DCHS2: variants seen among roughly 807,000 people sequenced by gnomAD.
The protein encoded by DCHS2 is protocadherin-23.
A neutral mutation model predicts 182.4 loss-of-function variants in DCHS2; 142 were observed. That is an observed-to-expected ratio of 0.78 (90% confidence interval 0.68 to 0.89). DCHS2 has a LOEUF of 0.89. DCHS2 is among the 40% of genes least tolerant of loss of function. The probability of loss-of-function intolerance (pLI) is 0.00; values close to 1 mark genes in which losing one functional copy is unlikely to be tolerated. For missense variants in DCHS2, 4,319 were observed against 4,198.6 expected (o/e 1.03, Z -0.79); for synonymous variants, 1,740 against 1,663.3 (o/e 1.05, Z -1.12).
intron 10 of DCHS2, among the ~76,000 whole-genome samples, 171 bp from the exon 11 acceptor site, chr4:154,305,402 A>T (rs2111301309): frequency 6.6e-6 from 1 of 152,364 alleles, no homozygotes; most frequent in Non-Finnish European, 1.5e-5. Flanking sequence ...TCTTGCTAAA[A>T]TAAAAGCCTC....
chr4:154,287,326 T>A (rs1734448544), intron 13 of DCHS2, among the ~76,000 whole-genome samples: 1 of 152,178 alleles, frequency 6.6e-6, no homozygotes, highest in Non-Finnish European at 1.5e-5. Context: ...ACTGTAACTG[T>A]GGTGTGTAAA....
chr4:154,284,164 T>C (rs1734282708), intron 13 of DCHS2, among the ~76,000 whole-genome samples: 1 of 152,032 alleles, frequency 6.6e-6, no homozygotes, highest in East Asian at 1.9e-4. Context: ...AATTCAATGA[T>C]TGTTGCAGCA....
At position 154,428,967 on chromosome 4, in the gene DCHS2, A is replaced by C. The variant is rs190482021; in HGVS notation, c.2053-51523T>G. Among the ~76,000 whole-genome samples the C allele has an allele frequency of 1.2e-4, 8 of 66,134 alleles. 1 individual carries two copies. The highest frequency in any genetic ancestry group is 2.8e-4 in the African/African-American group (8 of 28,878). 43.4% of individuals were successfully genotyped at this position (66,134 alleles called of 152,430 possible). A position where few individuals can be genotyped will look rare whatever the true frequency, so the allele number is the denominator to read the frequency against. On this transcript the variant is annotated intron_variant, in intron 1 of 19. Transcript: ENST00000357232. ...AAGCTACTGATAGAGAATCAAAAGA[A>C]GGGGTAAGTTTAAAAAAAAAAGGAG...
intron 14 of DCHS2, among the ~76,000 whole-genome samples, chr4:154,260,422 C>A (rs954000562): frequency 3.3e-5 from 5 of 152,200 alleles, no homozygotes; most frequent in Non-Finnish European, 2.9e-5. Context: ...GCCACCAGCA[C>A]TTCCCACCTT....
At position 154,333,246 on chromosome 4, in the gene DCHS2, T is replaced by G. The variant is rs966529960; in HGVS notation, c.2962A>C (p.Ile988Leu). The G allele has an allele frequency of 4.7e-5, 76 of 1,614,082 alleles. No individual in the cohort carries two copies. Among genetic ancestry groups the G allele is most frequent in the Non-Finnish European group, 5.9e-5 (70 of 1,180,044 alleles). Residue 988 changes from isoleucine to leucine, a missense_variant, in exon 5 of 20, where the codon ATA (isoleucine) becomes CTA (leucine). Ile to Leu is a conservative substitution (Grantham distance 5). Transcript: ENST00000357232. ...AFLRTSDEIR[I>L]SQTTPPGTAL... ...GTGCCAGGGGGCGTGGTCTGGGATATTCTAATCTCATCCGAGGTCCTGAGG... is the reference window on the plus strand; with the variant it reads ...GTGCCAGGGGGCGTGGTCTGGGATAGTCTAATCTCATCCGAGGTCCTGAGG...
chr4:154,239,255 CAG>C lies in DCHS2; in HGVS notation c.7405_7406del (p.Leu2469ValfsTer9), dbSNP rs1305584711. ...CATTGCTTTCTAAGTCTGTGGCTGA[CAG>C]AGTCAGCACTGAATACCCCACAGGT... ...SIPVGYSVLTLSATDLESNEN... is the reference protein window; with the variant it reads ...SIPVGYSVLTXSATDLESNEN... On this transcript the variant is annotated frameshift_variant, in exon 19 of 20. Coordinates refer to ENST00000357232, the MANE Select transcript of DCHS2 (RefSeq NM_001358235.2). LOFTEE classifies it high-confidence loss of function. The C allele has an allele frequency of 1.2e-6, 2 of 1,613,350 alleles. No homozygotes were observed. Among genetic ancestry groups the C allele is most frequent in the Non-Finnish European group, 1.7e-6 (2 of 1,179,716 alleles).
At chr4:154,260,991 G>T (rs1218501314) in intron 14 of DCHS2, among the ~76,000 whole-genome samples, 1 of 151,984 alleles carries the variant, frequency 6.6e-6, no homozygotes, top group African/African-American at 2.4e-5. Context: ...AGATTTTACT[G>T]TTTTTTCCTC....
chr4:154,294,658 C>A (rs1734843220), intron 13 of DCHS2, among the ~76,000 whole-genome samples: 1 of 152,132 alleles, frequency 6.6e-6, no homozygotes, highest in Non-Finnish European at 1.5e-5. Context: ...AAACAAAGTA[C>A]AACAGTTCAG....
At chr4:154,308,425 G>T (rs893002031) in intron 10 of DCHS2, among the ~76,000 whole-genome samples, 1 of 152,098 alleles carries the variant, frequency 6.6e-6, no homozygotes. Context: ...TGGCCATCAC[G>T]CCATTGTCAT....
rs138327230 is a variant in DCHS2, at chr4:154,410,409, C to T, written c.2053-32965G>A. Among the ~76,000 whole-genome samples the T allele has an allele frequency of 2.2e-3, 276 of 127,710 alleles. 1 individual carries two copies. The highest frequency in any genetic ancestry group is 7.9e-3 in the African/African-American group (266 of 33,732). The allele number at this position is 127,710 out of a possible 152,430, so 83.8% of individuals were successfully genotyped here. A position where few individuals can be genotyped will look rare whatever the true frequency, so the allele number is the denominator to read the frequency against. On this transcript the variant is annotated intron_variant, in intron 1 of 19. Transcript: ENST00000357232. The stretch of plus-strand genomic sequence containing the variant: ...AATAGAGAATTTCAACAGTAGACTA[C>T]ATCAAGAAGAAAAAAGAATCTCTAA...
At chr4:154,288,263 G>A (rs1456529785) in intron 13 of DCHS2, among the ~76,000 whole-genome samples, 2 of 151,908 alleles carry the variant, frequency 1.3e-5, no homozygotes, top group African/African-American at 4.8e-5. Context: ...ACAAAAAAGA[G>A]AAAAAGTAGC....
At chr4:154,463,147 ATATATATAAGTGTGTG>A (rs1735086451) in intron 1 of DCHS2, among the ~76,000 whole-genome samples, 2 of 108,966 alleles carry the variant, frequency 1.8e-5, no homozygotes, top group African/African-American at 6.0e-5. Flanking sequence ...ACTTATGTGT[ATATATATAAGTGTGTG>A]TATATATATA....
Position 154,259,582 on chromosome 4 carries a change from A to G in DCHS2, c.6752T>C (p.Val2251Ala), listed in dbSNP as rs758107445. The change falls in exon 15 of 20, where the codon GTG (valine) becomes GCG (alanine). Residue 2251 changes from valine (V) to alanine (A), a missense_variant. Physicochemically the swap from Val to Ala is moderately conservative, Grantham distance 64. Transcript: ENST00000357232. ...AGCATTGTAGAGTTGGCTTTCAGAC[A>G]CTGATGCCTGGTAAATGCTTTGTTC... ...CFEQSIYQAS[V>A]SESQLYNAHV... 5 of 1,613,960 alleles carry G rather than the reference A, an allele frequency of 3.1e-6. No homozygotes were observed. The South Asian group carries it at 5.5e-5, about 18-fold the overall frequency.
chr4:154,242,881 TTTTA>T, intron 16 of DCHS2, 109 bp from the exon 17 acceptor site: 2 of 1,378,534 alleles, frequency 1.5e-6, no homozygotes, highest in Non-Finnish European at 1.9e-6. Context: ...GACTAGCTAC[TTTTA>T]TTTTTCTCTT....
rs1341863503 is a variant in DCHS2 at position 154,302,938 on chromosome 4, C to T, written c.5605+1731G>A. On this transcript the variant is annotated intron_variant, in intron 12 of 19. Transcript: ENST00000357232. ...TATATATGAAATAGATATACGTATA[C>T]ACACACACACACACACACACACACA... 2.9e-4 allele frequency among the ~76,000 whole-genome samples: 3 copies of T among 10,522 alleles called. No individual in the cohort carries two copies. The East Asian group carries it at 0.019, about 66-fold the overall frequency. 6.9% of individuals were successfully genotyped at this position (10,522 alleles called of 152,430 possible). A position where few individuals can be genotyped will look rare whatever the true frequency, so the allele number is the denominator to read the frequency against.
chr4:154,315,702 A>C (rs202007992), intron 10 of DCHS2, 46 bp downstream of exon 10: 116 of 1,584,638 alleles, frequency 7.3e-5, no homozygotes, highest in Middle Eastern at 1.7e-4. Flanking sequence ...ATAATCTTCA[A>C]TTTCTTTTAA....
In DCHS2 at chr4:154,490,122, C is replaced by G; in HGVS notation, c.1234G>C (p.Ala412Pro). Reference sequence around the variant, plus strand: ...TCTGTGAGAAAGAGCACGTGAATTGCTGGCCGGTTGTCATTCACGTCCAGC... The same window carrying G: ...TCTGTGAGAAAGAGCACGTGAATTGGTGGCCGGTTGTCATTCACGTCCAGC... The part of the protein sequence containing the change: ...AVLDVNDNRP[A>P]IHVLFLTEGG... Residue 412 changes from alanine (A) to proline (P), a missense_variant, in exon 1 of 20, where the codon GCA (alanine) becomes CCA (proline). Physicochemically the swap from Ala to Pro is conservative, Grantham distance 27. Coordinates refer to ENST00000357232, the MANE Select transcript of DCHS2 (RefSeq NM_001358235.2). 1 of 1,548,178 alleles carries G rather than the reference C, an allele frequency of 6.5e-7. No individual in the cohort carries two copies. Among genetic ancestry groups the G allele is most frequent in the Non-Finnish European group, 8.7e-7 (1 of 1,145,424 alleles).
In DCHS2 at chr4:154,298,951, C is replaced by T. The variant is rs1735088024; in HGVS notation, c.5606-243G>A. ...GATTCAATGCCTATCTTTAATCAGTCAATAATTAGAACACTTGCTTTCACT... is the reference window on the plus strand; with the variant it reads ...GATTCAATGCCTATCTTTAATCAGTTAATAATTAGAACACTTGCTTTCACT... On this transcript the variant is annotated intron_variant, in intron 12 of 19. Transcript: ENST00000357232. 1.0e-5 allele frequency: 4 copies of T among 392,118 alleles called. No homozygotes were observed. In the South Asian group the frequency reaches 4.6e-4, roughly 45 times the overall value. The allele number at this position is 392,118 out of a possible 1,614,324, so 24.3% of individuals were successfully genotyped here. A position where few individuals can be genotyped will look rare whatever the true frequency, so the allele number is the denominator to read the frequency against.
At chr4:154,418,958 C>T (rs13123127) in intron 1 of DCHS2, among the ~76,000 whole-genome samples, 119,930 of 152,224 alleles carry the variant, frequency 0.79, 51,545 homozygotes, top group Non-Finnish European at 0.95. Flanking sequence ...TGAATGAATG[C>T]TTCATATTTG....
Sources: gnomAD v4.1 joint callset for allele counts (sites outside exome capture counted in the v4.1 genomes callset) on GRCh38, gnomAD v4.1.1 for gene constraint, MANE v1.5 for transcripts, NCBI Gene and HGNC (gene_info 2026-07-23, HGNC 2026-07-21) for gene names.